Variants in SLC10A7 observed in about 807,000 individuals in gnomAD.
SLC10A7 encodes the protein sodium/bile acid cotransporter 7.
Under a neutral mutation model 43.2 loss-of-function variants are expected in SLC10A7, and 29 were observed. The ratio of observed to expected loss-of-function variants is 0.67; its 90% CI spans 0.50 to 0.92. The LOEUF is 0.92. SLC10A7 is among the 40% of genes least tolerant of loss of function. The probability of loss-of-function intolerance (pLI) is 0.00; values close to 1 mark genes in which losing one functional copy is unlikely to be tolerated. For synonymous variants in SLC10A7, 152 were observed against 144.8 expected, an observed-to-expected ratio of 1.05 and a Z score of -0.35; for missense variants, 295 against 403.2, an observed-to-expected ratio of 0.73 and a Z score of 2.30.
chr4:146,516,902 C>T (rs974266681), intron 2 of SLC10A7, 136 bp downstream of exon 2: 15 of 635,030 alleles, frequency 2.4e-5, no homozygotes, highest in Admixed American at 8.0e-5. Context: ...AGTCCTTTGC[C>T]GACCAAGTTA....
At chr4:146,442,762 A>G in intron 5 of SLC10A7, 21 bp downstream of exon 5, 1 of 1,602,682 alleles carries the variant, frequency 6.2e-7, no homozygotes, top group Middle Eastern at 1.7e-4. Flanking sequence ...GTAATAGACA[A>G]GTTAAACTAT....
intron 4 of SLC10A7, among the ~76,000 whole-genome samples, chr4:146,447,221 A>G (rs1441467398): frequency 4.6e-5 from 7 of 152,246 alleles, no homozygotes; most frequent in Non-Finnish European, 5.9e-5. Flanking sequence ...AGTTCAGAGC[A>G]GTATGACTGT....
intron 5 of SLC10A7, among the ~76,000 whole-genome samples, chr4:146,412,718 G>A (rs1728284422): frequency 6.6e-6 from 1 of 152,106 alleles, no homozygotes; most frequent in African/African-American, 2.4e-5. Flanking sequence ...TGAATTCTCT[G>A]ATACAAAAAT....
At chr4:146,381,813 T>G (rs1737642342) in intron 5 of SLC10A7, among the ~76,000 whole-genome samples, 1 of 152,100 alleles carries the variant, frequency 6.6e-6, no homozygotes, top group African/African-American at 2.4e-5. Flanking sequence ...CAGCCAGCCA[T>G]ATTATCAATC....
At chr4:146,467,314 T>C (rs1284706604) in intron 4 of SLC10A7, among the ~76,000 whole-genome samples, 1 of 152,088 alleles carries the variant, frequency 6.6e-6, no homozygotes, top group Non-Finnish European at 1.5e-5. Context: ...TGTTAATTAA[T>C]CATTTTTCTA....
In SLC10A7 at chr4:146,304,905, C is replaced by G. The variant is rs535048136; in HGVS notation, c.555+1021G>C. The stretch of plus-strand genomic sequence containing the variant: ...AGTCTAAGTCTCTTTGTAGGTCACT[C>G]AGGACTTGCTTTATGAATCTGGGTG... On this transcript the variant is annotated intron_variant, in intron 7 of 11. Coordinates refer to ENST00000335472, the MANE Select transcript of SLC10A7 (RefSeq NM_001029998.6). Among the ~76,000 whole-genome samples, 1,249 of 151,708 alleles carry G rather than the reference C, an allele frequency of 8.2e-3. 9 individuals are homozygous for G. The highest frequency in any genetic ancestry group is 0.014 in the South Asian group (69 of 4,766).
intron 9 of SLC10A7, among the ~76,000 whole-genome samples, chr4:146,288,117 C>T (rs538194269): frequency 6.6e-6 from 1 of 152,042 alleles, no homozygotes; most frequent in Non-Finnish European, 1.5e-5. Flanking sequence ...ACAGTCTTAT[C>T]GACAAAAAGT....
chr4:146,350,326 G>A (rs1230943933), intron 5 of SLC10A7, among the ~76,000 whole-genome samples: 1 of 151,512 alleles, frequency 6.6e-6, no homozygotes, highest in Non-Finnish European at 1.5e-5. Flanking sequence ...TTTCAGAACG[G>A]CTTAAAAAAC....
At chr4:146,277,265 G>C (rs1729268637) in intron 10 of SLC10A7, among the ~76,000 whole-genome samples, 1 of 152,156 alleles carries the variant, frequency 6.6e-6, no homozygotes, top group Admixed American at 6.6e-5. Flanking sequence ...AGATCTTTCA[G>C]AGAAGCTTTA....
Position 146,330,814 on chromosome 4 carries a change from A to G in SLC10A7, c.436-4818T>C, listed in dbSNP as rs144867692. Among the ~76,000 whole-genome samples, 23 of 152,194 alleles carry G rather than the reference A, an allele frequency of 1.5e-4. No individual in the cohort carries two copies. In the East Asian group the frequency reaches 4.5e-3, roughly 30 times the overall value. ...CTTTGCCAGAGAATCTCCCAGAGAG[A>G]AGACACCCTTGCTCTTCAGGCAAAC... On this transcript the variant is annotated intron_variant, in intron 5 of 11. Transcript: ENST00000335472.
chr4:146,255,656 T>C lies in SLC10A7; in HGVS notation c.*835A>G, dbSNP rs1375710263. 2 of 152,236 alleles carry C rather than the reference T, an allele frequency of 1.3e-5. No individual in the cohort carries two copies. Among genetic ancestry groups the C allele is most frequent in the Non-Finnish European group, 2.9e-5 (2 of 68,034 alleles). The allele number at this position is 152,236 out of a possible 1,614,324, so 9.4% of individuals were successfully genotyped here. The stretch of plus-strand genomic sequence containing the variant: ...GAATGTGAATAGAATCTACCATTAA[T>C]TGATGCTGCTTTCAAACTGATTGTA... On this transcript the variant is annotated 3_prime_UTR_variant, in exon 12 of 12. Coordinates refer to ENST00000335472, the MANE Select transcript of SLC10A7 (RefSeq NM_001029998.6).
intron 6 of SLC10A7, among the ~76,000 whole-genome samples, chr4:146,310,444 T>C (rs760082858): frequency 6.6e-6 from 1 of 152,172 alleles, no homozygotes; most frequent in African/African-American, 2.4e-5. Context: ...TAATTGTGCA[T>C]AAATAAGTGT....
intron 4 of SLC10A7, among the ~76,000 whole-genome samples, chr4:146,454,454 G>C (rs1731875208): frequency 6.6e-6 from 1 of 151,816 alleles, no homozygotes; most frequent in Non-Finnish European, 1.5e-5. Flanking sequence ...AGCCAGAATA[G>C]AATTCATCTC....
At chr4:146,344,642 T>C (rs892530179) in intron 5 of SLC10A7, among the ~76,000 whole-genome samples, 2 of 152,064 alleles carry the variant, frequency 1.3e-5, no homozygotes, top group Non-Finnish European at 2.9e-5. Context: ...CTTTTTACTC[T>C]CATTCTCTTG....
At chr4:146,373,805 T>A (rs945926830) in intron 5 of SLC10A7, among the ~76,000 whole-genome samples, 1 of 152,168 alleles carries the variant, frequency 6.6e-6, no homozygotes, top group East Asian at 1.9e-4. Context: ...CCACCCAAGT[T>A]ATTTTAATAT....
intron 4 of SLC10A7, among the ~76,000 whole-genome samples, chr4:146,500,531 A>G (rs1034098823): frequency 6.6e-6 from 1 of 152,164 alleles, no homozygotes; most frequent in African/African-American, 2.4e-5. Flanking sequence ...CCCAAGGTCT[A>G]CTGACAGTCA....
chr4:146,372,559 A>G (rs901378825), intron 5 of SLC10A7, among the ~76,000 whole-genome samples: 7 of 152,128 alleles, frequency 4.6e-5, no homozygotes, highest in African/African-American at 7.2e-5. Context: ...TGTTTTACTC[A>G]TATTGCCCAC....
chr4:146,461,243 A>G (rs1732502061), intron 4 of SLC10A7, among the ~76,000 whole-genome samples: 1 of 152,014 alleles, frequency 6.6e-6, no homozygotes, highest in Non-Finnish European at 1.5e-5. Context: ...TAGAACTAGC[A>G]CTTACAATGG....
At chr4:146,375,801 G>A (rs1362902461) in intron 5 of SLC10A7, among the ~76,000 whole-genome samples, 1 of 152,106 alleles carries the variant, frequency 6.6e-6, no homozygotes, top group Non-Finnish European at 1.5e-5. Flanking sequence ...CCAGCTGGGT[G>A]TCCTCTAATT....
Sources: allele counts gnomAD v4.1 joint callset (sites outside exome capture counted in the v4.1 genomes callset), GRCh38; gene constraint gnomAD v4.1.1; transcripts MANE v1.5; gene names NCBI Gene and HGNC (gene_info 2026-07-23, HGNC 2026-07-21).